The following ARHGEF3 variants were observed in gnomAD, a reference collection of about 807,000 sequenced individuals.
ARHGEF3 encodes the protein 59.8 kDA protein.
ARHGEF3 carries 28 observed loss-of-function variants against 63.2 expected under a neutral mutation model. The ratio of observed to expected loss-of-function variants is 0.44; its 90% CI spans 0.33 to 0.61. The LOEUF is 0.61. Ranked by LOEUF, ARHGEF3 falls within the 20% of genes least tolerant of loss-of-function variation. The pLI, the probability that ARHGEF3 is intolerant of heterozygous loss-of-function variation, is 0.03. For synonymous variants in ARHGEF3, 266 were observed against 254.2 expected (o/e 1.05, Z -0.44); for missense variants, 533 against 659.3 (o/e 0.81, Z 2.10).
At chr3:57,042,010 C>T (rs978345985) in intron 1 of ARHGEF3, among the ~76,000 whole-genome samples, 2 of 152,162 alleles carry the variant, frequency 1.3e-5, no homozygotes, top group African/African-American at 2.4e-5. Flanking sequence ...CATGAGCAGC[C>T]GAGACATTAG....
At chr3:56,799,686 G>A (rs72882957) in intron 1 of ARHGEF3, among the ~76,000 whole-genome samples, 5,678 of 152,214 alleles carry the variant, frequency 0.037, 110 homozygotes, top group African/African-American at 0.044. Flanking sequence ...TACAAGGGTT[G>A]GCTGCCTTTT....
At chr3:56,933,876 A>T (rs547101041) in intron 3 of ARHGEF3, among the ~76,000 whole-genome samples, 1 of 152,188 alleles carries the variant, frequency 6.6e-6, no homozygotes, top group African/African-American at 2.4e-5. Flanking sequence ...AGGTGATTGG[A>T]TCATGGGGGC....
chr3:57,078,060 C>A (rs1388904743), intron 1 of ARHGEF3, among the ~76,000 whole-genome samples: 1 of 152,152 alleles, frequency 6.6e-6, no homozygotes, highest in Admixed American at 6.5e-5. Context: ...GCAGCTAACA[C>A]AGAGGATTTA....
intron 1 of ARHGEF3, chr3:57,074,218 G>A (rs750259957): frequency 6.2e-7 from 1 of 1,613,988 alleles, no homozygotes; most frequent in Admixed American, 1.7e-5. Context: ...TGCTTTGTCA[G>A]GTCCCTCTCT....
At chr3:56,840,643 T>G (rs1223160258) in intron 4 of ARHGEF3, among the ~76,000 whole-genome samples, 1 of 152,182 alleles carries the variant, frequency 6.6e-6, no homozygotes, top group Non-Finnish European at 1.5e-5. Flanking sequence ...ATCTCTGCCC[T>G]GACTCATGTT....
intron 3 of ARHGEF3, among the ~76,000 whole-genome samples, chr3:56,900,555 C>T (rs749271163): frequency 1.5e-4 from 23 of 152,172 alleles, no homozygotes; most frequent in African/African-American, 2.7e-4. Context: ...GACTGAGCCA[C>T]GGAAGTCAAA....
chr3:56,770,084 C>A (rs1365696653), intron 2 of ARHGEF3, among the ~76,000 whole-genome samples: 2 of 152,164 alleles, frequency 1.3e-5, no homozygotes, highest in Non-Finnish European at 2.9e-5. Context: ...GGGGCCAGCT[C>A]TTCCCCCTCA....
chr3:56,998,166 A>T (rs373953181), intron 2 of ARHGEF3, among the ~76,000 whole-genome samples: 4 of 152,312 alleles, frequency 2.6e-5, no homozygotes, highest in African/African-American at 9.6e-5. Context: ...CATAGAGACA[A>T]TTGAAAAACA....
In ARHGEF3 at chr3:56,887,552, G is replaced by A. The variant is rs140207184; in HGVS notation, c.130-5198C>T. On this transcript the variant is annotated intron_variant, in intron 3 of 12. Coordinates refer to the ARHGEF3 transcript ENST00000338458. The stretch of plus-strand genomic sequence containing the variant: ...CAGCTCCTGTTATGAATTGCCCACA[G>A]GAAGTAAAAAATGCCATTTTACTTC... Among the ~76,000 whole-genome samples the A allele has an allele frequency of 2.6e-5, 4 of 152,258 alleles. No individual in the cohort carries two copies. The East Asian group carries it at 7.7e-4, about 29-fold the overall frequency.
At chr3:56,797,949 T>C (rs988057997) in intron 1 of ARHGEF3, among the ~76,000 whole-genome samples, 2 of 152,230 alleles carry the variant, frequency 1.3e-5, no homozygotes, top group Non-Finnish European at 2.9e-5. Flanking sequence ...AAATTTGACA[T>C]TGGATCTTGG....
intron 4 of ARHGEF3, among the ~76,000 whole-genome samples, chr3:56,832,607 T>C (rs1479335514): frequency 6.6e-6 from 1 of 152,240 alleles, no homozygotes; most frequent in Non-Finnish European, 1.5e-5. Flanking sequence ...AAATTTTCTA[T>C]TGAGATAAAA....
At chr3:57,039,125 A>G (rs186429485) in intron 1 of ARHGEF3, among the ~76,000 whole-genome samples, 2 of 152,106 alleles carry the variant, frequency 1.3e-5, no homozygotes, top group African/African-American at 2.4e-5. Context: ...GAGGAATTCC[A>G]TTTCTCCCCA....
chr3:56,849,957 G>A (rs1025059806), intron 4 of ARHGEF3, among the ~76,000 whole-genome samples: 1 of 152,132 alleles, frequency 6.6e-6, no homozygotes, highest in African/African-American at 2.4e-5. Flanking sequence ...TCGGGCCTTA[G>A]ATCTTATCAA....
intron 1 of ARHGEF3, among the ~76,000 whole-genome samples, chr3:56,792,583 G>A (rs2037141019): frequency 6.6e-6 from 1 of 152,098 alleles, no homozygotes; most frequent in Non-Finnish European, 1.5e-5. Flanking sequence ...TCTGACCCTT[G>A]GTATCTCGTC....
At chr3:56,772,015 G>A (rs1264958223) in intron 2 of ARHGEF3, among the ~76,000 whole-genome samples, 2 of 152,120 alleles carry the variant, frequency 1.3e-5, no homozygotes, top group African/African-American at 4.8e-5. Flanking sequence ...TGGTCACAAG[G>A]GAGAAAAGGT....
intron 2 of ARHGEF3, among the ~76,000 whole-genome samples, chr3:56,758,142 G>T (rs574838019): frequency 2.6e-5 from 4 of 151,832 alleles, no homozygotes; most frequent in Non-Finnish European, 5.9e-5. Flanking sequence ...TTAGCTGGAC[G>T]TGATGGTAGG....
intron 1 of ARHGEF3, among the ~76,000 whole-genome samples, chr3:57,060,136 A>T (rs1705142404): frequency 6.6e-6 from 1 of 152,114 alleles, no homozygotes; most frequent in Non-Finnish European, 1.5e-5. Flanking sequence ...ACTGGACAAC[A>T]TAGCGAGACC....
intron 3 of ARHGEF3, among the ~76,000 whole-genome samples, chr3:56,907,278 G>A (rs534108037): frequency 6.6e-6 from 1 of 152,276 alleles, no homozygotes; most frequent in South Asian, 2.1e-4. Flanking sequence ...ACGGCGCCTG[G>A]CCAACATTCT....
At chr3:56,954,994 A>G (rs1162430315) in intron 3 of ARHGEF3, among the ~76,000 whole-genome samples, 3 of 152,050 alleles carry the variant, frequency 2.0e-5, no homozygotes, top group South Asian at 2.1e-4. Flanking sequence ...TTCTCCCAAA[A>G]AGTCTGCTCC....
Sources: gnomAD v4.1 joint callset for allele counts (sites outside exome capture counted in the v4.1 genomes callset) on GRCh38, gnomAD v4.1.1 for gene constraint, MANE v1.5 for transcripts, NCBI Gene and HGNC (gene_info 2026-07-23, HGNC 2026-07-21) for gene names.